CNTLN: variants seen among roughly 807,000 people sequenced by gnomAD.
The protein encoded by CNTLN is centlein, centrosomal protein.
Under a neutral mutation model 180.0 loss-of-function variants are expected in CNTLN, and 212 were observed. The ratio of observed to expected loss-of-function variants is 1.18; its 90% CI spans 1.05 to 1.32. The LOEUF is 1.32. Ranked by LOEUF, CNTLN falls within the 40% of genes most tolerant of loss-of-function variation. The pLI is 0.00. For missense variants in CNTLN, 2,095 were observed against 1,610.9 expected (o/e 1.30, Z -5.14); for synonymous variants, 722 against 563.1 (o/e 1.28, Z -3.99).
At chr9:17,196,131 C>A (rs1822114227) in intron 2 of CNTLN, among the ~76,000 whole-genome samples, 3 of 152,134 alleles carry the variant, frequency 2.0e-5, no homozygotes, top group Admixed American at 1.3e-4. Context: ...TCAAGCAGTT[C>A]TCCTGGCTCA....
chr9:17,195,055 T>TG (rs1478507096), intron 2 of CNTLN, among the ~76,000 whole-genome samples: 4 of 152,160 alleles, frequency 2.6e-5, no homozygotes, highest in African/African-American at 9.7e-5. Context: ...GTGGGAATTA[T>TG]GGGAGTACAA....
intron 25 of CNTLN, among the ~76,000 whole-genome samples, chr9:17,491,887 CTTTTGTAAA>C (rs1564149873): frequency 0.039 from 5,864 of 152,088 alleles, 383 homozygotes; most frequent in African/African-American, 0.13. Context: ...ATCTCCCTGG[CTTTTGTAAA>C]TAGAATATAC....
At chr9:17,183,734 A>G (rs914780887) in intron 2 of CNTLN, among the ~76,000 whole-genome samples, 1 of 152,124 alleles carries the variant, frequency 6.6e-6, no homozygotes, top group Non-Finnish European at 1.5e-5. Context: ...GCTGAGATCA[A>G]TAGTATTTAA....
intron 2 of CNTLN, among the ~76,000 whole-genome samples, chr9:17,214,602 G>T (rs914765550): frequency 3.3e-5 from 5 of 152,172 alleles, no homozygotes; most frequent in African/African-American, 7.2e-5. Context: ...ATGTTGGCCT[G>T]CCTCACTAGG....
At chr9:17,525,293 A>G in the CNTLN span, among the ~76,000 whole-genome samples, 2 of 152,324 alleles carry the variant, frequency 1.3e-5, no homozygotes, top group East Asian at 3.9e-4. Flanking sequence ...TTAAGTACAT[A>G]TAAACAGTAA....
chr9:17,301,800 A>T (rs985141551), intron 7 of CNTLN: 117 of 981,216 alleles, frequency 1.2e-4, no homozygotes, highest in Middle Eastern at 5.2e-4. Context: ...TTAAAAAACA[A>T]AGTCTTTTAT....
At chr9:17,512,628 A>AC in the CNTLN span, among the ~76,000 whole-genome samples, 53,848 of 151,838 alleles carry the variant, frequency 0.35, 9,826 homozygotes, top group East Asian at 0.43. Flanking sequence ...TTGCACAGGT[A>AC]CCCCCCAAAT....
the CNTLN span, among the ~76,000 whole-genome samples, chr9:17,514,325 A>C: frequency 1.3e-5 from 2 of 152,196 alleles, no homozygotes. Context: ...AAACAAAAGA[A>C]GTGGTAGAAA....
intron 1 of CNTLN, among the ~76,000 whole-genome samples, chr9:17,141,996 C>G (rs1818132388): frequency 6.7e-6 from 1 of 149,736 alleles, no homozygotes; most frequent in Non-Finnish European, 1.5e-5. Context: ...GCAGAAGAAT[C>G]ACTTGAACCT....
chr9:17,341,257 G>A (rs146629916), intron 11 of CNTLN, among the ~76,000 whole-genome samples: 17 of 152,180 alleles, frequency 1.1e-4, no homozygotes, highest in Admixed American at 2.0e-4. Flanking sequence ...GTTAATATCC[G>A]TGTGATTGAA....
chr9:17,494,736 G>A (rs1046093060), intron 25 of CNTLN, among the ~76,000 whole-genome samples: 3 of 152,022 alleles, frequency 2.0e-5, no homozygotes, highest in African/African-American at 4.8e-5. Flanking sequence ...CATTACTCTC[G>A]TTTGTGGTAA....
rs1832639892 is a variant in CNTLN, at chr9:17,481,415, C to T, written c.3856-2880C>T. ...CCTGGTCAAGGAACCCAGCCTGTAG[C>T]CCCACTTAATCATGGAACCCAGCTT... is the stretch of plus-strand genomic sequence containing the variant. On this transcript the variant is annotated intron_variant, in intron 23 of 25. Transcript: ENST00000380647. Among the ~76,000 whole-genome samples, 3 of 152,310 alleles carry T rather than the reference C, an allele frequency of 2.0e-5. No homozygotes were observed. In the South Asian group the frequency reaches 6.2e-4, roughly 32 times the overall value.
intron 12 of CNTLN, among the ~76,000 whole-genome samples, chr9:17,351,309 G>T (rs1215914913): frequency 1.3e-5 from 2 of 152,088 alleles, no homozygotes; most frequent in African/African-American, 2.4e-5. Flanking sequence ...CATGATTTTA[G>T]TCATTTCTTG....
intron 2 of CNTLN, among the ~76,000 whole-genome samples, chr9:17,161,730 T>C (rs59017366): frequency 0.043 from 6,507 of 152,272 alleles, 364 homozygotes; most frequent in East Asian, 0.24. Flanking sequence ...GTGAATAATT[T>C]TGTAGACTTA....
At chr9:17,281,272 TA>T (rs1173348732) in intron 6 of CNTLN, among the ~76,000 whole-genome samples, 46 of 140,064 alleles carry the variant, frequency 3.3e-4, no homozygotes, top group African/African-American at 1.1e-3. Flanking sequence ...TATTTTATTT[TA>T]TTTTTTAAAA....
At chr9:17,366,543 A>G in intron 12 of CNTLN, 74 bp from the exon 13 acceptor site, 1 of 644,522 alleles carries the variant, frequency 1.6e-6, no homozygotes. Context: ...TTAGAAATAT[A>G]TTTAAATGTA....
chr9:17,366,750 G>T, intron 13 of CNTLN, 33 bp downstream of exon 13: 2 of 1,141,548 alleles, frequency 1.8e-6, no homozygotes, highest in South Asian at 2.7e-5. Context: ...CTTAACAGAG[G>T]AATTTTAAAA....
intron 2 of CNTLN, among the ~76,000 whole-genome samples, chr9:17,211,694 A>G (rs1807806613): frequency 6.6e-6 from 1 of 151,998 alleles, no homozygotes; most frequent in Non-Finnish European, 1.5e-5. Context: ...TGAGCATGGA[A>G]TGTTCTTCCA....
intron 12 of CNTLN, among the ~76,000 whole-genome samples, chr9:17,364,438 A>G (rs1210143780): frequency 6.6e-6 from 1 of 151,504 alleles, no homozygotes; most frequent in Non-Finnish European, 1.5e-5. Context: ...TCATTGCTTT[A>G]TTTCATATTT....
Sources: gnomAD v4.1 joint callset for allele counts (sites outside exome capture counted in the v4.1 genomes callset) on GRCh38, gnomAD v4.1.1 for gene constraint, MANE v1.5 for transcripts, NCBI Gene and HGNC (gene_info 2026-07-23, HGNC 2026-07-21) for gene names.